The following MACROD2 variants were observed in gnomAD, a reference collection of about 807,000 sequenced individuals.
MACROD2 encodes the protein mono-ADP ribosylhydrolase 2, also known as ADP-ribose glycohydrolase MACROD2.
MACROD2 carries 36 observed loss-of-function variants against 70.4 expected under a neutral mutation model. The ratio of observed to expected loss-of-function variants is 0.51; its 90% CI spans 0.39 to 0.68. MACROD2 has a LOEUF of 0.68. Ranked by LOEUF, MACROD2 falls within the 30% of genes least tolerant of loss-of-function variation. The pLI is 0.00. For synonymous variants in MACROD2, 172 were observed against 178.8 expected (o/e 0.96, Z 0.30); for missense variants, 496 against 538.4 (o/e 0.92, Z 0.78).
chr20:15,509,477 C>G (rs1330221047), intron 8 of MACROD2, among the ~76,000 whole-genome samples: 1 of 152,020 alleles, frequency 6.6e-6, no homozygotes, highest in Non-Finnish European at 1.5e-5. Context: ...CAGGATGTTC[C>G]TAGGGTTGGG....
chr20:14,105,619 G>T (rs111453057), intron 3 of MACROD2, among the ~76,000 whole-genome samples: 26 of 152,172 alleles, frequency 1.7e-4, no homozygotes, highest in African/African-American at 6.0e-4. Context: ...GCTAGTCTGG[G>T]CTTGGAGCCA....
At chr20:14,830,179 A>G (rs1187631872) in intron 5 of MACROD2, among the ~76,000 whole-genome samples, 1 of 152,152 alleles carries the variant, frequency 6.6e-6, no homozygotes, top group East Asian at 1.9e-4. Context: ...ACCTCTCATT[A>G]GGGCACTACG....
At chr20:14,226,157 TGG>T (rs1374210302) in intron 3 of MACROD2, among the ~76,000 whole-genome samples, 2 of 152,186 alleles carry the variant, frequency 1.3e-5, no homozygotes, top group Non-Finnish European at 2.9e-5. Context: ...TTTTGGCCTC[TGG>T]GGTCTAGCAA....
chr20:15,043,112 C>G (rs1488809341), intron 5 of MACROD2, among the ~76,000 whole-genome samples: 3 of 152,160 alleles, frequency 2.0e-5, no homozygotes, highest in Non-Finnish European at 4.4e-5. Flanking sequence ...AGCAAACCTC[C>G]TGCTGCTTTG....
At chr20:14,761,691 T>C (rs1283434315) in intron 5 of MACROD2, among the ~76,000 whole-genome samples, 1 of 152,054 alleles carries the variant, frequency 6.6e-6, no homozygotes, top group Non-Finnish European at 1.5e-5. Context: ...CTCTGACTGC[T>C]TTTTTAAGGC....
At chr20:14,065,040 C>T (rs563801921) in intron 2 of MACROD2, among the ~76,000 whole-genome samples, 71 of 152,262 alleles carry the variant, frequency 4.7e-4, no homozygotes, top group Non-Finnish European at 7.9e-4. Flanking sequence ...CAGAGATTAG[C>T]ATTATTTAAG....
intron 15 of MACROD2, among the ~76,000 whole-genome samples, chr20:16,025,731 AT>A (rs765479944): frequency 6.6e-6 from 1 of 152,158 alleles, no homozygotes; most frequent in African/African-American, 2.4e-5. Flanking sequence ...GTGCTGCCTC[AT>A]TTTTAGAATC....
chr20:15,613,253 G>A (rs1407645096), intron 8 of MACROD2, among the ~76,000 whole-genome samples: 1 of 152,162 alleles, frequency 6.6e-6, no homozygotes, highest in Non-Finnish European at 1.5e-5. Flanking sequence ...TTCCAGATTT[G>A]CTAAAATTTC....
intron 4 of MACROD2, among the ~76,000 whole-genome samples, chr20:14,623,856 CA>C (rs1323119743): frequency 6.6e-6 from 1 of 152,220 alleles, no homozygotes; most frequent in Non-Finnish European, 1.5e-5. Context: ...ATCACAAACT[CA>C]ACCAGGCTTC....
At chr20:15,509,729 C>G (rs1342261016) in intron 8 of MACROD2, among the ~76,000 whole-genome samples, 1 of 152,194 alleles carries the variant, frequency 6.6e-6, no homozygotes, top group Non-Finnish European at 1.5e-5. Context: ...TTTCCACACT[C>G]TTACATAGCC....
intron 8 of MACROD2, among the ~76,000 whole-genome samples, chr20:15,727,685 A>G (rs1487745656): frequency 6.6e-6 from 1 of 151,912 alleles, no homozygotes; most frequent in Non-Finnish European, 1.5e-5. Context: ...TAGGTATTTT[A>G]TTCTTTTTGT....
intron 3 of MACROD2, among the ~76,000 whole-genome samples, chr20:14,146,363 T>C (rs2054943574): frequency 6.6e-6 from 1 of 152,082 alleles, no homozygotes; most frequent in Non-Finnish European, 1.5e-5. Context: ...CAGTATCGGG[T>C]TGCTCTGCGA....
At chr20:15,248,881 A>G (rs991348702) in intron 6 of MACROD2, among the ~76,000 whole-genome samples, 2 of 152,148 alleles carry the variant, frequency 1.3e-5, no homozygotes, top group Non-Finnish European at 2.9e-5. Context: ...TTCTCTCTGA[A>G]GCAAACCCTG....
At chr20:15,248,451 A>G (rs1368126652) in intron 6 of MACROD2, among the ~76,000 whole-genome samples, 1 of 151,296 alleles carries the variant, frequency 6.6e-6, no homozygotes, top group East Asian at 2.0e-4. Flanking sequence ...ACCCTCTGTG[A>G]CTCCTTTGTT....
intron 5 of MACROD2, among the ~76,000 whole-genome samples, chr20:15,043,987 C>T (rs544770567): frequency 1.3e-5 from 2 of 152,226 alleles, no homozygotes; most frequent in South Asian, 2.1e-4. Flanking sequence ...TGCTCAGCAC[C>T]CCTGAAACTC....
chr20:15,725,054 C>G (rs2050841453), intron 8 of MACROD2, among the ~76,000 whole-genome samples: 2 of 152,114 alleles, frequency 1.3e-5, no homozygotes, highest in Admixed American at 6.6e-5. Context: ...TCCACTCCAG[C>G]CTGGGCGACA....
At chr20:14,200,020 C>T (rs1254012893) in intron 3 of MACROD2, among the ~76,000 whole-genome samples, 1 of 151,936 alleles carries the variant, frequency 6.6e-6, no homozygotes, top group East Asian at 1.9e-4. Context: ...AAGTGTTTCC[C>T]AATAGCAAAG....
intron 3 of MACROD2, among the ~76,000 whole-genome samples, chr20:14,395,494 G>A (rs1485351025): frequency 6.6e-6 from 1 of 151,724 alleles, no homozygotes; most frequent in African/African-American, 2.4e-5. Context: ...TTCATGATCA[G>A]TTGGCTAGAA....
chr20:15,515,104 A>T (rs1438090136), intron 8 of MACROD2, among the ~76,000 whole-genome samples: 3 of 152,240 alleles, frequency 2.0e-5, no homozygotes, highest in Non-Finnish European at 4.4e-5. Context: ...CCTTTAGCAC[A>T]ATGCCAGGAC....
Sources: gnomAD v4.1 joint callset for allele counts (sites outside exome capture counted in the v4.1 genomes callset) on GRCh38, gnomAD v4.1.1 for gene constraint, MANE v1.5 for transcripts, NCBI Gene and HGNC (gene_info 2026-07-23, HGNC 2026-07-21) for gene names.